The following UNC5A variants were observed in gnomAD, a reference collection of about 807,000 sequenced individuals.
UNC5A encodes the protein netrin receptor UNC5A.
UNC5A carries 20 observed loss-of-function variants against 87.4 expected under a neutral mutation model. That is an observed-to-expected ratio of 0.23 (90% confidence interval 0.16 to 0.33). The LOEUF (loss-of-function observed/expected upper bound fraction) is 0.33. Among genes scored for constraint, UNC5A ranks in the 10% least tolerant of loss-of-function variants. UNC5A has a pLI of 1.00. For synonymous variants in UNC5A, 438 were observed against 482.3 expected (o/e 0.91, Z 1.20); for missense variants, 844 against 1,133.4 (o/e 0.74, Z 3.67).
intron 1 of UNC5A, among the ~76,000 whole-genome samples, chr5:176,833,664 T>C (rs1421637458): frequency 5.9e-5 from 9 of 152,114 alleles, no homozygotes; most frequent in Non-Finnish European, 1.3e-4. Flanking sequence ...CCTTTGTGGC[T>C]GCACTCATTA....
At position 176,862,700 on chromosome 5, in the gene UNC5A, G is replaced by A. The variant is rs1475737891; in HGVS notation, c.147G>A (p.Glu49=). 1 of 1,613,460 alleles carries A rather than the reference G, an allele frequency of 6.2e-7. No homozygotes were observed. Among genetic ancestry groups the A allele is most frequent in the Non-Finnish European group, 8.5e-7 (1 of 1,180,014 alleles). ...NPDLLPHFLV[E]PEDVYIVKNK... ...ACCTGCTTCCCCACTTCCTGGTGGA[G>A]CCCGAGGATGTGTACATCGTCAAGA... The change falls in exon 2 of 15, where the codon GAG becomes GAA. Residue 49 remains glutamate, a synonymous_variant. Coordinates refer to ENST00000329542, the MANE Select transcript of UNC5A (RefSeq NM_133369.3).
chr5:176,878,699 C>T (rs1758331714), intron 13 of UNC5A, 60 bp downstream of exon 13: 15 of 1,561,134 alleles, frequency 9.6e-6, no homozygotes, highest in Middle Eastern at 2.0e-4. Flanking sequence ...TCCCCACCAG[C>T]CCCCAAAACG....
intron 2 of UNC5A, among the ~76,000 whole-genome samples, chr5:176,864,197 G>T (rs2149364736): frequency 6.6e-6 from 1 of 152,180 alleles, no homozygotes; most frequent in East Asian, 2.0e-4. Context: ...CCAAGCTCAG[G>T]TCTCAAAACC....
At chr5:176,827,602 T>TTTTGAACA (rs1347460905) in intron 1 of UNC5A, among the ~76,000 whole-genome samples, 1 of 152,206 alleles carries the variant, frequency 6.6e-6, no homozygotes, top group Admixed American at 6.5e-5. Context: ...GAATAAGCTG[T>TTTTGAACA]TTTGAACATT....
intron 1 of UNC5A, among the ~76,000 whole-genome samples, chr5:176,818,727 A>G (rs1200899857): frequency 6.6e-6 from 1 of 152,150 alleles, no homozygotes; most frequent in East Asian, 1.9e-4. Context: ...CTGGTATCCT[A>G]TGGACTTGAT....
In UNC5A at chr5:176,880,859, C is replaced by T. The variant is rs975639235; in HGVS notation, c.*973C>T. Reference sequence around the variant, plus strand: ...CCGCCGGGGCACATAGGGGTTTTATCGGGCGTGAATGTAAATAAATTATAT... The same window carrying T: ...CCGCCGGGGCACATAGGGGTTTTATTGGGCGTGAATGTAAATAAATTATAT... On this transcript the variant is annotated 3_prime_UTR_variant, in exon 15 of 15. Coordinates refer to ENST00000329542, the MANE Select transcript of UNC5A (RefSeq NM_133369.3). The T allele has an allele frequency of 4.2e-6, 2 of 475,586 alleles. No individual in the cohort carries two copies. Among genetic ancestry groups the T allele is most frequent in the South Asian group, 4.3e-5 (1 of 23,050 alleles). 29.5% of individuals were successfully genotyped at this position (475,586 alleles called of 1,614,324 possible). A position where few individuals can be genotyped will look rare whatever the true frequency, so the allele number is the denominator to read the frequency against.
chr5:176,854,529 CT>C (rs780447719), intron 1 of UNC5A, among the ~76,000 whole-genome samples: 1 of 152,236 alleles, frequency 6.6e-6, no homozygotes, highest in Non-Finnish European at 1.5e-5. Context: ...GCTGTGCCCC[CT>C]GGCTCCCTGA....
At chr5:176,821,882 G>A (rs992967392) in intron 1 of UNC5A, among the ~76,000 whole-genome samples, 2 of 152,092 alleles carry the variant, frequency 1.3e-5, no homozygotes, top group East Asian at 3.9e-4. Flanking sequence ...CCAGACTCTG[G>A]TTAGGCCTTC....
chr5:176,879,074 A>T (rs980165514), intron 13 of UNC5A, among the ~76,000 whole-genome samples: 1 of 151,908 alleles, frequency 6.6e-6, no homozygotes, highest in East Asian at 1.9e-4. Flanking sequence ...AAGGGCGGAG[A>T]GGGAGGGAGG....
chr5:176,825,812 A>G (rs1756837482), intron 1 of UNC5A, among the ~76,000 whole-genome samples: 1 of 152,212 alleles, frequency 6.6e-6, no homozygotes, highest in Admixed American at 6.5e-5. Context: ...GCTGAGGGAC[A>G]AAGCTAGGTG....
chr5:176,862,464 G>A (rs562443578), intron 1 of UNC5A, among the ~76,000 whole-genome samples, 160 bp from the exon 2 acceptor site: 25 of 152,220 alleles, frequency 1.6e-4, no homozygotes, highest in Non-Finnish European at 2.6e-4. Flanking sequence ...CCGGGTGGGG[G>A]ATGGTCATTG....
At chr5:176,854,439 G>A (rs1185472871) in intron 1 of UNC5A, among the ~76,000 whole-genome samples, 1 of 152,176 alleles carries the variant, frequency 6.6e-6, no homozygotes, top group African/African-American at 2.4e-5. Flanking sequence ...CAGGTGGCAG[G>A]GAGTGCTCAG....
At position 176,877,540 on chromosome 5, in the gene UNC5A, C is replaced by T. The variant is rs769375615; in HGVS notation, c.1472C>T (p.Pro491Leu). 3 of 1,592,052 alleles carry T rather than the reference C, an allele frequency of 1.9e-6. No homozygotes were observed. The highest frequency in any genetic ancestry group is 1.7e-4 in the Middle Eastern group (1 of 5,964). The change falls in exon 10 of 15, where the codon CCC (proline) becomes CTC (leucine). Residue 491 changes from proline (P) to leucine (L), a missense_variant. By Grantham distance (98) the Pro-to-Leu change is moderately conservative. Transcript: ENST00000329542. ...TLHKPEDVRLPLAGCQTLLSP... is the reference protein window; with the variant it reads ...TLHKPEDVRLLLAGCQTLLSP... Reference sequence around the variant, plus strand: ...CCCATATTTCCCCACTTGAGGTTGCCCCTAGCTGGCTGTCAGACCCTGCTG... The same window carrying T: ...CCCATATTTCCCCACTTGAGGTTGCTCCTAGCTGGCTGTCAGACCCTGCTG...
At position 176,843,687 on chromosome 5, in the gene UNC5A, A is replaced by G. The variant is rs574695427; in HGVS notation, c.71-18937A>G. On this transcript the variant is annotated intron_variant, in intron 1 of 14. Transcript: ENST00000329542. ...GTGTGACCATTATTATTATCCACGG[A>G]AGATTCTCTGGACGGGTGGCTTGTT... Among the ~76,000 whole-genome samples, 127 of 152,368 alleles carry G rather than the reference A, an allele frequency of 8.3e-4. 1 individual carries two copies. Among genetic ancestry groups the G allele is most frequent in the African/African-American group, 3.0e-3 (125 of 41,592 alleles).
At chr5:176,812,767 C>T (rs1338307437) in intron 1 of UNC5A, among the ~76,000 whole-genome samples, 1 of 152,158 alleles carries the variant, frequency 6.6e-6, no homozygotes, top group Non-Finnish European at 1.5e-5. Flanking sequence ...TCAACTCTGC[C>T]CCTGGGCCTG....
At chr5:176,868,726 G>A in intron 4 of UNC5A, 58 bp from the exon 5 acceptor site, 1 of 1,587,378 alleles carries the variant, frequency 6.3e-7, no homozygotes, top group Non-Finnish European at 8.6e-7. Flanking sequence ...CCTGGCAGGG[G>A]CCACTCTGGG....
At chr5:176,827,446 G>C (rs894631890) in intron 1 of UNC5A, among the ~76,000 whole-genome samples, 2 of 152,082 alleles carry the variant, frequency 1.3e-5, no homozygotes, top group Non-Finnish European at 2.9e-5. Flanking sequence ...GCCTCCCAAA[G>C]TGCTGGGATT....
intron 1 of UNC5A, among the ~76,000 whole-genome samples, chr5:176,820,554 T>C (rs1241176788): frequency 2.6e-5 from 4 of 152,232 alleles, no homozygotes; most frequent in Non-Finnish European, 4.4e-5. Flanking sequence ...AGACACGCCA[T>C]GTTTCTAGTC....
intron 1 of UNC5A, among the ~76,000 whole-genome samples, chr5:176,858,177 C>T (rs1757712630): frequency 2.0e-5 from 3 of 152,222 alleles, no homozygotes; most frequent in Admixed American, 2.0e-4. Context: ...GGGGTGGGGA[C>T]AAAGCCTCCT....
Sources: allele counts gnomAD v4.1 joint callset (sites outside exome capture counted in the v4.1 genomes callset), GRCh38; gene constraint gnomAD v4.1.1; transcripts MANE v1.5; gene names NCBI Gene and HGNC (gene_info 2026-07-23, HGNC 2026-07-21).